ARL15: variants seen among roughly 807,000 people sequenced by gnomAD.
The protein encoded by ARL15 is ARF like GTPase 15.
ARL15 carries 19 observed loss-of-function variants against 25.2 expected under a neutral mutation model. That is an observed-to-expected ratio of 0.75 (90% confidence interval 0.53 to 1.10). ARL15 has a LOEUF of 1.10. ARL15 is among the 50% of genes least tolerant of loss of function. The pLI is 0.00. For synonymous variants in ARL15, 94 were observed against 86.8 expected, an observed-to-expected ratio of 1.08 and a Z score of -0.46; for missense variants, 220 against 246.0, an observed-to-expected ratio of 0.89 and a Z score of 0.71.
chr5:54,303,313 G>A (rs1006529145), intron 1 of ARL15, among the ~76,000 whole-genome samples: 1 of 152,136 alleles, frequency 6.6e-6, no homozygotes, highest in African/African-American at 2.4e-5. Context: ...TTTGAGGTCA[G>A]GAGATTGAGA....
intron 4 of ARL15, among the ~76,000 whole-genome samples, chr5:53,887,876 TTTG>T (rs1744586824): frequency 6.6e-6 from 1 of 152,172 alleles, no homozygotes; most frequent in African/African-American, 2.4e-5. Context: ...CAGACTACTG[TTTG>T]TTGACAGTAG....
At chr5:54,003,336 G>A (rs1223947023) in intron 4 of ARL15, among the ~76,000 whole-genome samples, 2 of 152,152 alleles carry the variant, frequency 1.3e-5, no homozygotes, top group Admixed American at 6.5e-5. Flanking sequence ...ACAACCACAC[G>A]TGAGCTGGGA....
chr5:54,112,517 C>T (rs1752771626), intron 4 of ARL15, among the ~76,000 whole-genome samples: 1 of 152,136 alleles, frequency 6.6e-6, no homozygotes, highest in Admixed American at 6.6e-5. Flanking sequence ...TTTCACTGTA[C>T]TTACGTTATA....
chr5:54,163,364 T>G (rs1429833302), intron 2 of ARL15, among the ~76,000 whole-genome samples: 3 of 23,622 alleles, frequency 1.3e-4, no homozygotes, highest in Non-Finnish European at 2.9e-4. Flanking sequence ...AGCTTTTTTT[T>G]TTTTTTTTTT....
chr5:54,195,552 C>A (rs562627641), intron 1 of ARL15, among the ~76,000 whole-genome samples: 2 of 152,122 alleles, frequency 1.3e-5, no homozygotes, highest in Non-Finnish European at 2.9e-5. Context: ...TATGAGGACA[C>A]ACACTTAATT....
At chr5:53,973,503 G>A (rs1747817962) in intron 4 of ARL15, among the ~76,000 whole-genome samples, 1 of 151,666 alleles carries the variant, frequency 6.6e-6, no homozygotes, top group African/African-American at 2.4e-5. Flanking sequence ...GAACCCGGGA[G>A]GCAGAGGTTG....
chr5:54,127,675 G>C (rs1318902523), intron 3 of ARL15, among the ~76,000 whole-genome samples: 1 of 151,922 alleles, frequency 6.6e-6, no homozygotes, highest in Non-Finnish European at 1.5e-5. Flanking sequence ...CTACTTTAAA[G>C]TTCATATGGA....
At chr5:53,922,081 G>C (rs142323468) in intron 4 of ARL15, among the ~76,000 whole-genome samples, 1 of 152,152 alleles carries the variant, frequency 6.6e-6, no homozygotes, top group African/African-American at 2.4e-5. Flanking sequence ...TTAACTTGTA[G>C]TGTAGCACCA....
At chr5:54,016,721 T>C (rs889582715) in intron 4 of ARL15, among the ~76,000 whole-genome samples, 3 of 152,196 alleles carry the variant, frequency 2.0e-5, no homozygotes, top group Non-Finnish European at 2.9e-5. Flanking sequence ...GCAACCTTAT[T>C]TTCTTACCTC....
chr5:53,924,184 C>A (rs1039379928), intron 4 of ARL15, among the ~76,000 whole-genome samples: 1 of 152,214 alleles, frequency 6.6e-6, no homozygotes, highest in African/African-American at 2.4e-5. Context: ...GAGGAGCAGA[C>A]TGAGAGCTTT....
chr5:54,028,345 T>C (rs1561194558), intron 4 of ARL15, among the ~76,000 whole-genome samples: 1 of 152,208 alleles, frequency 6.6e-6, no homozygotes, highest in Non-Finnish European at 1.5e-5. Context: ...ATATGTGTTA[T>C]AATTTTATAG....
At chr5:54,077,044 T>C (rs531029848) in intron 4 of ARL15, among the ~76,000 whole-genome samples, 3 of 152,220 alleles carry the variant, frequency 2.0e-5, no homozygotes, top group East Asian at 1.9e-4. Flanking sequence ...AGATGTTTAG[T>C]TGTGCTTCAT....
At chr5:54,018,660 A>G (rs1451658347) in intron 4 of ARL15, among the ~76,000 whole-genome samples, 1 of 152,116 alleles carries the variant, frequency 6.6e-6, no homozygotes, top group Non-Finnish European at 1.5e-5. Context: ...TCATTCATTC[A>G]CTGATTTTTT....
At chr5:53,907,412 G>A (rs1376558963) in intron 4 of ARL15, among the ~76,000 whole-genome samples, 3 of 140,354 alleles carry the variant, frequency 2.1e-5, no homozygotes, top group East Asian at 4.2e-4. Flanking sequence ...GCAGACTAGA[G>A]GGAATGGGCA....
intron 4 of ARL15, among the ~76,000 whole-genome samples, chr5:53,944,447 C>T (rs1193501698): frequency 6.6e-6 from 1 of 151,826 alleles, no homozygotes; most frequent in African/African-American, 2.4e-5. Context: ...TTCATCTCTA[C>T]AAAAAATACA....
chr5:54,268,351 T>C (rs1209167783), intron 1 of ARL15, among the ~76,000 whole-genome samples: 1 of 152,210 alleles, frequency 6.6e-6, no homozygotes, highest in Non-Finnish European at 1.5e-5. Flanking sequence ...TATTGGTTAT[T>C]CTAATTATAC....
At chr5:54,168,448 T>C (rs1353404533) in intron 2 of ARL15, among the ~76,000 whole-genome samples, 1 of 151,914 alleles carries the variant, frequency 6.6e-6, no homozygotes, top group African/African-American at 2.4e-5. Flanking sequence ...TAAACTTGAC[T>C]CATATTTGAT....
intron 1 of ARL15, among the ~76,000 whole-genome samples, chr5:54,232,260 T>G (rs558767382): frequency 6.6e-6 from 1 of 152,334 alleles, no homozygotes; most frequent in Admixed American, 6.5e-5. Flanking sequence ...TACTAGATTC[T>G]TGGCTCTTTG....
intron 1 of ARL15, among the ~76,000 whole-genome samples, chr5:54,290,094 C>T (rs552788549): frequency 1.3e-5 from 2 of 152,264 alleles, no homozygotes; most frequent in East Asian, 3.9e-4. Context: ...AGAATGGTAA[C>T]TCTGAGATTC....
Sources: allele counts gnomAD v4.1 joint callset (sites outside exome capture counted in the v4.1 genomes callset), GRCh38; gene constraint gnomAD v4.1.1; transcripts MANE v1.5; gene names NCBI Gene and HGNC (gene_info 2026-07-23, HGNC 2026-07-21).